The following TSPAN15 variants were observed in gnomAD, a reference collection of about 807,000 sequenced individuals.
The protein encoded by TSPAN15 is tetraspanin 15.
TSPAN15 carries 20 observed loss-of-function variants against 34.5 expected under a neutral mutation model. The observed-to-expected ratio is 0.58, with a 90% CI of 0.41 to 0.84. The LOEUF (loss-of-function observed/expected upper bound fraction) is 0.84. TSPAN15 is among the 40% of genes least tolerant of loss of function. TSPAN15 has a pLI of 0.00. For missense variants in TSPAN15, 313 were observed against 386.1 expected (o/e 0.81, Z 1.59); for synonymous variants, 155 against 153.9 (o/e 1.01, Z -0.05).
intron 1 of TSPAN15, among the ~76,000 whole-genome samples, chr10:69,461,348 G>A (rs529996644): frequency 8.7e-4 from 133 of 152,266 alleles, no homozygotes; most frequent in African/African-American, 3.2e-3. Flanking sequence ...TTTGCATCTG[G>A]GCCTGCAGGG....
chr10:69,452,134 T>C (rs1048987329), intron 1 of TSPAN15, among the ~76,000 whole-genome samples: 1 of 152,222 alleles, frequency 6.6e-6, no homozygotes, highest in Non-Finnish European at 1.5e-5. Flanking sequence ...TACTTGCTGA[T>C]GCCCCTGAGC....
At chr10:69,459,688 C>T (rs1474273828) in intron 1 of TSPAN15, among the ~76,000 whole-genome samples, 3 of 152,114 alleles carry the variant, frequency 2.0e-5, no homozygotes, top group Non-Finnish European at 2.9e-5. Flanking sequence ...GTTCGAGTGA[C>T]TGAGAAGCAG....
chr10:69,520,592 G>GT, the TSPAN15 span, among the ~76,000 whole-genome samples: 47 of 152,318 alleles, frequency 3.1e-4, no homozygotes, highest in African/African-American at 1.0e-3. Context: ...GGAGGTGGAG[G>GT]TTGTAGTGAG....
chr10:69,464,859 G>C (rs1841349211), intron 1 of TSPAN15, among the ~76,000 whole-genome samples: 1 of 152,234 alleles, frequency 6.6e-6, no homozygotes, highest in South Asian at 2.1e-4. Flanking sequence ...ACTACTCAGT[G>C]GTTTCAAACC....
the TSPAN15 span, among the ~76,000 whole-genome samples, chr10:69,520,692 T>C: frequency 6.6e-6 from 1 of 152,212 alleles, no homozygotes; most frequent in East Asian, 1.9e-4. Context: ...TGTATGCATA[T>C]ACCACATTAT....
chr10:69,458,446 A>G (rs992816279), intron 1 of TSPAN15, among the ~76,000 whole-genome samples: 9 of 152,206 alleles, frequency 5.9e-5, no homozygotes, highest in African/African-American at 1.9e-4. Flanking sequence ...ACATATATGT[A>G]GACATTTTAT....
chr10:69,476,448 T>G (rs1841615149), intron 1 of TSPAN15, among the ~76,000 whole-genome samples: 1 of 151,830 alleles, frequency 6.6e-6, no homozygotes, highest in South Asian at 2.1e-4. Context: ...TCCCAGCACT[T>G]TGGGAGGCTG....
At chr10:69,462,155 G>GTTTTTTTTTTTTTT (rs755068937) in intron 1 of TSPAN15, among the ~76,000 whole-genome samples, 3 of 82,702 alleles carry the variant, frequency 3.6e-5, no homozygotes, top group Admixed American at 1.4e-4. Context: ...TAATTTTAAA[G>GTTTTTTTTTTTTTT]TTTTTTTTTT....
At chr10:69,514,515 A>G in the TSPAN15 span, among the ~76,000 whole-genome samples, 1 of 152,192 alleles carries the variant, frequency 6.6e-6, no homozygotes, top group Non-Finnish European at 1.5e-5. Context: ...TAAACTATAA[A>G]TCTAATTTCT....
At chr10:69,512,618 C>T (rs955810818), downstream of TSPAN15, among the ~76,000 whole-genome samples, 1 of 152,234 alleles carries the variant, frequency 6.6e-6, no homozygotes, top group African/African-American at 2.4e-5. Flanking sequence ...CTTAAGCAAT[C>T]AGAGCTCTGC....
At chr10:69,511,485 T>C (rs536203780), downstream of TSPAN15, among the ~76,000 whole-genome samples, 1 of 152,286 alleles carries the variant, frequency 6.6e-6, no homozygotes, top group East Asian at 1.9e-4. Context: ...TTATTAGTCT[T>C]GCTAGCGGTC....
chr10:69,522,370 T>G, the TSPAN15 span, among the ~76,000 whole-genome samples: 1 of 86,664 alleles, frequency 1.2e-5, no homozygotes, highest in Non-Finnish European at 2.2e-5. Context: ...AGCAAGACCT[T>G]GTCTCAAAAA....
the TSPAN15 span, among the ~76,000 whole-genome samples, chr10:69,537,335 T>C: frequency 6.6e-6 from 1 of 152,198 alleles, no homozygotes; most frequent in East Asian, 1.9e-4. Context: ...TGATTTCTAC[T>C]GAATGTGCAT....
intron 1 of TSPAN15, among the ~76,000 whole-genome samples, chr10:69,457,910 C>T (rs1428667036): frequency 6.6e-6 from 1 of 152,222 alleles, no homozygotes; most frequent in Non-Finnish European, 1.5e-5. Context: ...GCCTTCCTCT[C>T]TAGCCTTGCT....
At chr10:69,508,963 C>T (rs573947324), downstream of TSPAN15, among the ~76,000 whole-genome samples, 1 of 152,362 alleles carries the variant, frequency 6.6e-6, no homozygotes, top group African/African-American at 2.4e-5. Flanking sequence ...CTGCTGCAGC[C>T]TCTGTCTTGT....
the TSPAN15 span, among the ~76,000 whole-genome samples, chr10:69,517,209 C>A: frequency 2.2e-4 from 33 of 152,316 alleles, no homozygotes; most frequent in Admixed American, 1.8e-3. Context: ...TGTGTCTTCT[C>A]CTCCATCTGC....
chr10:69,517,123 G>C, the TSPAN15 span, among the ~76,000 whole-genome samples: 3 of 152,202 alleles, frequency 2.0e-5, no homozygotes, highest in Admixed American at 2.0e-4. Flanking sequence ...GAGTGGCTGT[G>C]CCAGGTGTAC....
chr10:69,507,012 C>A lies in TSPAN15; in HGVS notation c.*34C>A. 6.3e-7 allele frequency: 1 copy of A among 1,597,912 alleles called. No individual in the cohort carries two copies. Among genetic ancestry groups the A allele is most frequent in the South Asian group, 1.1e-5 (1 of 87,684 alleles). ...CTGCCATGGCAGCTCCAACAAGGAC[C>A]GTCTGGGATAGCACCTCTCAGTCAA... On this transcript the variant is annotated 3_prime_UTR_variant, in exon 8 of 8. Coordinates refer to ENST00000373290, the MANE Select transcript of TSPAN15 (RefSeq NM_012339.5).
chr10:69,461,117 C>T (rs1841244334), intron 1 of TSPAN15, among the ~76,000 whole-genome samples: 1 of 152,122 alleles, frequency 6.6e-6, no homozygotes, highest in African/African-American at 2.4e-5. Flanking sequence ...ACGCCGTCTG[C>T]CACGTGTCTC....
Sources: gnomAD v4.1 joint callset for allele counts (sites outside exome capture counted in the v4.1 genomes callset) on GRCh38, gnomAD v4.1.1 for gene constraint, MANE v1.5 for transcripts, NCBI Gene and HGNC (gene_info 2026-07-23, HGNC 2026-07-21) for gene names.